CSMD1: variants seen among roughly 807,000 people sequenced by gnomAD.
The protein encoded by CSMD1 is CUB and Sushi multiple domains 1, also known as CUB and sushi domain-containing protein 1.
In CSMD1, 213 loss-of-function variants were observed where a neutral mutation model predicts 417.5. That is an observed-to-expected ratio of 0.51 (90% CI 0.46 to 0.57). CSMD1 has a LOEUF of 0.57. Among genes scored for constraint, CSMD1 ranks in the 20% least tolerant of loss-of-function variants. CSMD1 has a pLI of 0.00. For synonymous variants in CSMD1, 2,862 were observed against 1,736.8 expected (o/e 1.65, Z -16.11); for missense variants, 6,923 against 4,529.7 (o/e 1.53, Z -15.17).
At chr8:4,796,824 A>G (rs148929653) in intron 1 of CSMD1, among the ~76,000 whole-genome samples, 9 of 152,278 alleles carry the variant, frequency 5.9e-5, no homozygotes, top group Admixed American at 2.0e-4. Context: ...TATCTTGTGC[A>G]GTACAATTTC....
intron 3 of CSMD1, among the ~76,000 whole-genome samples, chr8:4,330,965 A>AC (rs1286561646): frequency 2.6e-5 from 4 of 151,910 alleles, no homozygotes; most frequent in South Asian, 2.1e-4. Flanking sequence ...TAAATGCAAG[A>AC]CCCCCCGACA....
At chr8:4,086,612 A>G (rs1800434711) in intron 3 of CSMD1, among the ~76,000 whole-genome samples, 1 of 152,182 alleles carries the variant, frequency 6.6e-6, no homozygotes, top group Non-Finnish European at 1.5e-5. Context: ...ATAAAGTACA[A>G]TGCAGACGCG....
In CSMD1 at chr8:4,325,865, G is replaced by C. The variant is rs148442360; in HGVS notation, c.415+94088C>G. ...CTTATTCCACCTGATGGCTGGAATT[G>C]AGAGTTCCGTTCTGTATATGCACAT... On this transcript the variant is annotated intron_variant, in intron 3 of 69. Coordinates refer to ENST00000635120, the MANE Select transcript of CSMD1 (RefSeq NM_033225.6). Among the ~76,000 whole-genome samples the C allele has an allele frequency of 3.7e-3, 565 of 152,220 alleles. 1 individual carries two copies. Among genetic ancestry groups the C allele is most frequent in the African/African-American group, 0.013 (544 of 41,540 alleles).
chr8:3,697,306 T>G (rs900797886), intron 7 of CSMD1, among the ~76,000 whole-genome samples: 7 of 152,214 alleles, frequency 4.6e-5, no homozygotes, highest in Non-Finnish European at 1.5e-5. Flanking sequence ...ATTTTCGGTT[T>G]TCTCCTTACA....
chr8:3,186,599 G>A (rs918349477), intron 36 of CSMD1, among the ~76,000 whole-genome samples: 24 of 152,090 alleles, frequency 1.6e-4, no homozygotes, highest in African/African-American at 4.8e-4. Flanking sequence ...TGGCCTGTGC[G>A]CTATCTATTT....
At chr8:3,882,923 G>A (rs1444249775) in intron 5 of CSMD1, among the ~76,000 whole-genome samples, 1 of 152,150 alleles carries the variant, frequency 6.6e-6, no homozygotes, top group African/African-American at 2.4e-5. Context: ...GTAATGTTCT[G>A]CATCTTGGCC....
intron 3 of CSMD1, among the ~76,000 whole-genome samples, chr8:4,053,307 G>T (rs1005555389): frequency 6.6e-6 from 1 of 152,186 alleles, no homozygotes; most frequent in Non-Finnish European, 1.5e-5. Flanking sequence ...CATTGCGAAT[G>T]CATGAGAATA....
Position 4,056,742 on chromosome 8 carries a change from G to T in CSMD1, c.416-24643C>A, listed in dbSNP as rs548907034. 1.3e-3 allele frequency among the ~76,000 whole-genome samples: 196 copies of T among 151,524 alleles called. 2 individuals are homozygous for T. The highest frequency in any genetic ancestry group is 4.7e-3 in the African/African-American group (192 of 41,252). On this transcript the variant is annotated intron_variant, in intron 3 of 69. Coordinates refer to ENST00000635120, the MANE Select transcript of CSMD1 (RefSeq NM_033225.6). ...GATGTACCCCTTCCTGTGTCCATGC[G>T]TTCTCATTGTTCAATTCCCACCTAT...
chr8:4,280,159 C>T (rs570647685), intron 3 of CSMD1, among the ~76,000 whole-genome samples: 15 of 152,282 alleles, frequency 9.9e-5, no homozygotes, highest in Admixed American at 5.2e-4. Flanking sequence ...TTTAGAAGTA[C>T]GCTTAAAAGA....
chr8:3,043,537 C>G (rs1811247464), intron 50 of CSMD1, among the ~76,000 whole-genome samples: 1 of 151,984 alleles, frequency 6.6e-6, no homozygotes, highest in East Asian at 1.9e-4. Context: ...ATGTAAAGTC[C>G]TCATGGTGCC....
At chr8:4,373,306 G>A (rs182895302) in intron 3 of CSMD1, among the ~76,000 whole-genome samples, 3 of 149,252 alleles carry the variant, frequency 2.0e-5, no homozygotes, top group African/African-American at 7.3e-5. Context: ...GGAACATTAG[G>A]TAATAACCAA....
At chr8:4,598,790 C>G (rs1347826191) in intron 2 of CSMD1, among the ~76,000 whole-genome samples, 1 of 151,788 alleles carries the variant, frequency 6.6e-6, no homozygotes, top group Admixed American at 6.6e-5. Flanking sequence ...TTTTCAATCA[C>G]AGAAATAGGT....
chr8:4,446,047 G>A (rs544960613), intron 2 of CSMD1, among the ~76,000 whole-genome samples: 1 of 152,178 alleles, frequency 6.6e-6, no homozygotes, highest in African/African-American at 2.4e-5. Flanking sequence ...CACAGCCCAA[G>A]AAGAGGAGAC....
intron 1 of CSMD1, among the ~76,000 whole-genome samples, chr8:4,909,847 G>A (rs978243399): frequency 2.0e-5 from 3 of 152,164 alleles, no homozygotes; most frequent in African/African-American, 7.2e-5. Context: ...TGCAACCTCA[G>A]TTCTCTGATG....
At chr8:3,200,528 C>G (rs1323843802) in intron 32 of CSMD1, among the ~76,000 whole-genome samples, 1 of 151,124 alleles carries the variant, frequency 6.6e-6, no homozygotes, top group East Asian at 1.9e-4. Flanking sequence ...GCACTCTAGC[C>G]TGGGCAAGAG....
At chr8:4,628,266 C>A (rs947660174) in intron 2 of CSMD1, among the ~76,000 whole-genome samples, 7 of 151,114 alleles carry the variant, frequency 4.6e-5, no homozygotes, top group East Asian at 3.9e-4. Context: ...GTCTTTCATA[C>A]CTCTTGTAAA....
Position 3,929,731 on chromosome 8 carries a change from G to A in CSMD1, c.818+68172C>T, listed in dbSNP as rs1039606099. On this transcript the variant is annotated intron_variant, in intron 5 of 69. Transcript: ENST00000635120. Reference sequence around the variant, plus strand: ...GGCTGGAGTGCATTGGCACAATCTCGGCTCACTGCAACCTCAGCCTCCTGG... The same window carrying A: ...GGCTGGAGTGCATTGGCACAATCTCAGCTCACTGCAACCTCAGCCTCCTGG... Among the ~76,000 whole-genome samples the A allele has an allele frequency of 2.7e-5, 4 of 149,418 alleles. 1 individual carries two copies. The highest frequency in any genetic ancestry group is 3.9e-4 in the East Asian group (2 of 5,082).
chr8:3,284,558 C>A (rs553588514), intron 25 of CSMD1: 32 of 558,366 alleles, frequency 5.7e-5, no homozygotes, highest in African/African-American at 4.7e-4. Context: ...GGACCTCAGT[C>A]TGTCATGGAC....
intron 3 of CSMD1, among the ~76,000 whole-genome samples, chr8:4,355,238 G>T (rs1801353983): frequency 6.6e-6 from 1 of 151,308 alleles, no homozygotes; most frequent in South Asian, 2.1e-4. Context: ...CTCCAGCCTG[G>T]GTAAGAAACT....
Sources: gnomAD v4.1 joint callset for allele counts (sites outside exome capture counted in the v4.1 genomes callset) on GRCh38, gnomAD v4.1.1 for gene constraint, MANE v1.5 for transcripts, NCBI Gene and HGNC (gene_info 2026-07-23, HGNC 2026-07-21) for gene names.